Variants in HEBP2 observed in about 807,000 individuals in gnomAD.
HEBP2 encodes heme binding protein 2.
A neutral mutation model predicts 23.1 loss-of-function variants in HEBP2; 27 were observed. The observed-to-expected ratio is 1.17, with a 90% CI of 0.86 to 1.61. HEBP2 has a LOEUF of 1.61. Ranked by LOEUF, HEBP2 falls within the 40% of genes most tolerant of loss-of-function variation. The pLI, the probability that HEBP2 is intolerant of heterozygous loss-of-function variation, is 0.00. For missense variants in HEBP2, 245 were observed against 253.8 expected (o/e 0.97, Z 0.24); for synonymous variants, 99 against 95.1 (o/e 1.04, Z -0.24).
chr6:138,411,768 G>T (rs6919294), intron 3 of HEBP2, among the ~76,000 whole-genome samples: 15,749 of 152,210 alleles, frequency 0.1, 1,081 homozygotes, highest in African/African-American at 0.2. Context: ...GACCAGCCTA[G>T]GTAACACAGT....
rs1340602157 is a variant in HEBP2 at position 138,419,379 on chromosome 6, TC to T, written c.*6303del. On this transcript the variant is annotated 3_prime_UTR_variant, in exon 4 of 4. Transcript: ENST00000607197. ...CAGTTTATTCACACAAGGACAGACT[TC>T]CTATTCTAGGTATGTGGTTCCTTTC... 1 of 152,220 alleles carries T rather than the reference TC, an allele frequency of 6.6e-6. No homozygotes were observed. Among genetic ancestry groups the T allele is most frequent in the East Asian group, 1.9e-4 (1 of 5,200 alleles). The allele number at this position is 152,220 out of a possible 1,614,324, so 9.4% of individuals were successfully genotyped here. A position where few individuals can be genotyped will look rare whatever the true frequency, so the allele number is the denominator to read the frequency against.
chr6:138,414,912 C>G lies in HEBP2; in HGVS notation c.*1834C>G, dbSNP rs925364370. On this transcript the variant is annotated 3_prime_UTR_variant, in exon 4 of 4. Coordinates refer to ENST00000607197, the MANE Select transcript of HEBP2 (RefSeq NM_014320.3). ...TCTGTCCAAAAAATAAAAAATTAGC[C>G]AAGCGTGGTGGCACACGCCTGTATT... 6.6e-5 allele frequency: 10 copies of G among 152,130 alleles called. No individual in the cohort carries two copies. The highest frequency in any genetic ancestry group is 5.2e-4 in the Admixed American group (8 of 15,272). The allele number at this position is 152,130 out of a possible 1,614,324, so 9.4% of individuals were successfully genotyped here.
At chr6:138,406,635 CAT>C (rs1774650102) in intron 3 of HEBP2, among the ~76,000 whole-genome samples, 1 of 152,200 alleles carries the variant, frequency 6.6e-6, no homozygotes, top group African/African-American at 2.4e-5. Flanking sequence ...GAAATGCCCT[CAT>C]GTGGTGGAAG....
upstream of HEBP2, chr6:138,404,095 G>T (rs1222126049): frequency 1.4e-5 from 3 of 216,140 alleles, no homozygotes; most frequent in Non-Finnish European, 2.7e-5. Context: ...TTCCCAAACC[G>T]GTTGCACAGA....
rs757406717 is a variant in HEBP2, at chr6:138,417,265, C to G, written c.*4187C>G. 1.1e-4 allele frequency: 16 copies of G among 152,196 alleles called. No individual in the cohort carries two copies. Among genetic ancestry groups the G allele is most frequent in the Non-Finnish European group, 2.1e-4 (14 of 68,042 alleles). 9.4% of individuals were successfully genotyped at this position (152,196 alleles called of 1,614,324 possible). On this transcript the variant is annotated 3_prime_UTR_variant, in exon 4 of 4. Coordinates refer to ENST00000607197, the MANE Select transcript of HEBP2 (RefSeq NM_014320.3). ...TCCTTGGCAGGCAGAATAACCCCTA[C>G]ATTTGTTCCTTGACCTGTGGGGAAA...
At chr6:138,404,180 C>CG (rs11441776), upstream of HEBP2, 34,444 of 259,886 alleles carry the variant, frequency 0.13, 4,961 homozygotes, top group African/African-American at 0.44. Flanking sequence ...GGGGCGGGGG[C>CG]GGAAGTGCCT....
At chr6:138,408,844 A>G (rs1774695002) in intron 3 of HEBP2, among the ~76,000 whole-genome samples, 1 of 152,124 alleles carries the variant, frequency 6.6e-6, no homozygotes, top group African/African-American at 2.4e-5. Context: ...CCTCAGTCGA[A>G]TGATTCTCCC....
chr6:138,419,550 C>T lies in HEBP2; in HGVS notation c.*6472C>T, dbSNP rs1774887260. Reference sequence around the variant, plus strand: ...GTCATAGGATCCACTGCTCCTATCACATACTGCGCCACCTAGAAGCTGCTA... The same window carrying T: ...GTCATAGGATCCACTGCTCCTATCATATACTGCGCCACCTAGAAGCTGCTA... On this transcript the variant is annotated 3_prime_UTR_variant, in exon 4 of 4. Coordinates refer to ENST00000607197, the MANE Select transcript of HEBP2 (RefSeq NM_014320.3). 6.6e-6 allele frequency: 1 copy of T among 152,158 alleles called. No individual in the cohort carries two copies. Among genetic ancestry groups the T allele is most frequent in the Non-Finnish European group, 1.5e-5 (1 of 68,020 alleles). The allele number at this position is 152,158 out of a possible 1,614,324, so 9.4% of individuals were successfully genotyped here. A position where few individuals can be genotyped will look rare whatever the true frequency, so the allele number is the denominator to read the frequency against.
In HEBP2 at chr6:138,419,333, AT is replaced by A. The variant is rs1774883539; in HGVS notation, c.*6257del. 1 of 152,258 alleles carries A rather than the reference AT, an allele frequency of 6.6e-6. No individual in the cohort carries two copies. Among genetic ancestry groups the A allele is most frequent in the Non-Finnish European group, 1.5e-5 (1 of 68,052 alleles). 9.4% of individuals were successfully genotyped at this position (152,258 alleles called of 1,614,324 possible). ...ATAGCAAATTCACTATGGTAGGCTC[AT>A]TCTTTCCTAGAAGCACCAGCAGTTT... is the stretch of plus-strand genomic sequence containing the variant. On this transcript the variant is annotated 3_prime_UTR_variant, in exon 4 of 4. Coordinates refer to ENST00000607197, the MANE Select transcript of HEBP2 (RefSeq NM_014320.3).
At chr6:138,403,617 C>A, upstream of HEBP2, 1 of 447,650 alleles carries the variant, frequency 2.2e-6, no homozygotes, top group Non-Finnish European at 4.0e-6. Flanking sequence ...CCGCAGGGGA[C>A]AGTAACGCGG....
chr6:138,405,515 G>A (rs771704859), intron 2 of HEBP2, among the ~76,000 whole-genome samples: 1 of 152,156 alleles, frequency 6.6e-6, no homozygotes, highest in Non-Finnish European at 1.5e-5. Context: ...CTCGTGATAA[G>A]TCCTTTTCTA....
Position 138,415,255 on chromosome 6 carries a change from A to G in HEBP2, c.*2177A>G, listed in dbSNP as rs1485194380. The G allele has an allele frequency of 6.6e-6, 1 of 152,138 alleles. No individual in the cohort carries two copies. The highest frequency in any genetic ancestry group is 1.5e-5 in the Non-Finnish European group (1 of 68,038). 9.4% of individuals were successfully genotyped at this position (152,138 alleles called of 1,614,324 possible). On this transcript the variant is annotated 3_prime_UTR_variant, in exon 4 of 4. Transcript: ENST00000607197. The stretch of plus-strand genomic sequence containing the variant: ...TCCATCTCAGCCTAAAATTGGCACA[A>G]TTGGTACCAGTGGCCCACGAACGTA...
rs115783993 is a variant in HEBP2 at position 138,409,736 on chromosome 6, T to G, written c.420-3144T>G. Among the ~76,000 whole-genome samples, 397 of 152,308 alleles carry G rather than the reference T, an allele frequency of 2.6e-3. 4 individuals carry two copies. The highest frequency in any genetic ancestry group is 9.3e-3 in the African/African-American group (386 of 41,574). On this transcript the variant is annotated intron_variant, in intron 3 of 3. Transcript: ENST00000607197. Reference sequence around the variant, plus strand: ...AGGGAAGCTCAGATTGTTCACACGGTGCACAGTGCCACATATGACCTGGCC... The same window carrying G: ...AGGGAAGCTCAGATTGTTCACACGGGGCACAGTGCCACATATGACCTGGCC...
chr6:138,420,361 C>T lies in HEBP2; in HGVS notation c.*7283C>T, dbSNP rs923307884. 4 of 152,162 alleles carry T rather than the reference C, an allele frequency of 2.6e-5. No individual in the cohort carries two copies. The highest frequency in any genetic ancestry group is 2.1e-4 in the South Asian group (1 of 4,830). The allele number at this position is 152,162 out of a possible 1,614,324, so 9.4% of individuals were successfully genotyped here. ...ATCCTCAGGAAGAGAGGTCCATTGG[C>T]GCCCTGAAACAGTCACTCTCTGCGT... is the stretch of plus-strand genomic sequence containing the variant. On this transcript the variant is annotated 3_prime_UTR_variant, in exon 4 of 4. Transcript: ENST00000607197.
intron 3 of HEBP2, among the ~76,000 whole-genome samples, chr6:138,411,007 A>G (rs1232124624): frequency 6.6e-6 from 1 of 152,236 alleles, no homozygotes; most frequent in East Asian, 1.9e-4. Flanking sequence ...TACCCTTAAA[A>G]GAGATGACAC....
rs1220587637 is a variant in HEBP2, at chr6:138,415,356, G to A, written c.*2278G>A. ...GGAGGCCCCCATCCCTGGTGGATAG[G>A]TGGCACAGACAGTCCCTGGCACAAG... is the stretch of plus-strand genomic sequence containing the variant. On this transcript the variant is annotated 3_prime_UTR_variant, in exon 4 of 4. Transcript: ENST00000607197. 1 of 152,212 alleles carries A rather than the reference G, an allele frequency of 6.6e-6. No homozygotes were observed. The highest frequency in any genetic ancestry group is 1.5e-5 in the Non-Finnish European group (1 of 68,070). The allele number at this position is 152,212 out of a possible 1,614,324, so 9.4% of individuals were successfully genotyped here. A position where few individuals can be genotyped will look rare whatever the true frequency, so the allele number is the denominator to read the frequency against.
chr6:138,413,277 A>T lies in HEBP2; in HGVS notation c.*199A>T, dbSNP rs1388849808. The T allele has an allele frequency of 1.5e-5, 8 of 532,964 alleles. No homozygotes were observed. Among genetic ancestry groups the T allele is most frequent in the Non-Finnish European group, 2.3e-5 (7 of 299,244 alleles). 33.0% of individuals were successfully genotyped at this position (532,964 alleles called of 1,614,324 possible). On this transcript the variant is annotated 3_prime_UTR_variant, in exon 4 of 4. Coordinates refer to ENST00000607197, the MANE Select transcript of HEBP2 (RefSeq NM_014320.3). Reference sequence around the variant, plus strand: ...TAACAGAGGACAGTAGTCTGTAAACATATAAATCGGTCATAACTATCGTGG... The same window carrying T: ...TAACAGAGGACAGTAGTCTGTAAACTTATAAATCGGTCATAACTATCGTGG...
Position 138,404,278 on chromosome 6 carries a change from G to C in HEBP2, c.-218G>C, listed in dbSNP as rs868279654. The C allele has an allele frequency of 8.0e-4, 266 of 331,830 alleles. 2 individuals carry two copies. In the Middle Eastern group the frequency reaches 8.9e-3, roughly 11 times the overall value. 20.6% of individuals were successfully genotyped at this position (331,830 alleles called of 1,614,324 possible). A position where few individuals can be genotyped will look rare whatever the true frequency, so the allele number is the denominator to read the frequency against. On this transcript the variant is annotated 5_prime_UTR_variant, in exon 1 of 4. Coordinates refer to ENST00000607197, the MANE Select transcript of HEBP2 (RefSeq NM_014320.3). ...CGCGCAACTCCGGCCGGAGCTGTCCGGGGTCGTGAGCCGGCCCCGCCTTGG... is the reference window on the plus strand; with the variant it reads ...CGCGCAACTCCGGCCGGAGCTGTCCCGGGTCGTGAGCCGGCCCCGCCTTGG...
Position 138,404,555 on chromosome 6 carries a change from G to C in HEBP2, c.60G>C (p.Val20=). 1 of 1,302,860 alleles carries C rather than the reference G, an allele frequency of 7.7e-7. No individual in the cohort carries two copies. The highest frequency in any genetic ancestry group is 9.8e-7 in the Non-Finnish European group (1 of 1,025,140). The allele number at this position is 1,302,860 out of a possible 1,614,324, so 80.7% of individuals were successfully genotyped here. The change falls in exon 1 of 4, where the codon GTG becomes GTC. Residue 20 remains valine, a synonymous_variant. Coordinates refer to ENST00000607197, the MANE Select transcript of HEBP2 (RefSeq NM_014320.3). ...GAAEDAAAQA[V]ETPGWKAPED... is the part of the protein sequence containing the mutation. Reference sequence around the variant, plus strand: ...CCGAGGACGCGGCGGCCCAAGCTGTGGAGACGCCGGGCTGGAAGGCCCCGG... The same window carrying C: ...CCGAGGACGCGGCGGCCCAAGCTGTCGAGACGCCGGGCTGGAAGGCCCCGG...
Sources: allele counts gnomAD v4.1 joint callset (sites outside exome capture counted in the v4.1 genomes callset), GRCh38; gene constraint gnomAD v4.1.1; transcripts MANE v1.5; gene names NCBI Gene and HGNC (gene_info 2026-07-23, HGNC 2026-07-21).